The following CYP4F12 variants were observed in gnomAD, a reference collection of about 807,000 sequenced individuals.
The protein encoded by CYP4F12 is cytochrome P450 4F12.
CYP4F12 carries 60 observed loss-of-function variants against 56.5 expected under a neutral mutation model. That is an observed-to-expected ratio of 1.06 (90% CI 0.86 to 1.32). The LOEUF is 1.32. CYP4F12 is among the 40% of genes most tolerant of loss of function. The probability of loss-of-function intolerance (pLI) is 0.00; values close to 1 mark genes in which losing one functional copy is unlikely to be tolerated. For missense variants in CYP4F12, 711 were observed against 683.5 expected, an observed-to-expected ratio of 1.04 and a Z score of -0.45; for synonymous variants, 263 against 264.9, an observed-to-expected ratio of 0.99 and a Z score of 0.07.
At chr19:15,688,621 A>G (rs1395722155) in intron 9 of CYP4F12, among the ~76,000 whole-genome samples, 1 of 152,232 alleles carries the variant, frequency 6.6e-6, no homozygotes, top group African/African-American at 2.4e-5. Flanking sequence ...TAAAATTCAT[A>G]TGGAACCAAA....
chr19:15,682,146 C>A, intron 5 of CYP4F12: 1 of 390,376 alleles, frequency 2.6e-6, no homozygotes, highest in South Asian at 2.7e-5. Flanking sequence ...TGACCAAGGG[C>A]ACATAGAGCA....
At chr19:15,682,311 C>A (rs1283922063) in intron 5 of CYP4F12, 78 bp from the exon 6 acceptor site, 1 of 1,572,440 alleles carries the variant, frequency 6.4e-7, no homozygotes, top group Non-Finnish European at 8.7e-7. Context: ...GTGGGGGAGT[C>A]CATCCTGATG....
chr19:15,680,169 T>G, intron 3 of CYP4F12, 75 bp from the exon 4 acceptor site: 2 of 1,526,344 alleles, frequency 1.3e-6, no homozygotes, highest in Non-Finnish European at 1.8e-6. Context: ...AAAGTGCTGG[T>G]AGGCAGCCTT....
intron 9 of CYP4F12, among the ~76,000 whole-genome samples, chr19:15,693,196 C>T (rs558642681): frequency 3.3e-4 from 50 of 152,120 alleles, no homozygotes; most frequent in African/African-American, 1.1e-3. Flanking sequence ...AACCTGGCAA[C>T]GTGTGGGGAG....
intron 5 of CYP4F12, 153 bp downstream of exon 5, chr19:15,680,672 A>C: frequency 3.0e-6 from 3 of 989,664 alleles, no homozygotes; most frequent in Non-Finnish European, 4.7e-6. Context: ...TGGGGATGAT[A>C]ATCCCTACTT....
At chr19:15,683,984 T>C (rs630112) in intron 7 of CYP4F12, 4,837 of 446,852 alleles carry the variant, frequency 0.011, 41 homozygotes, top group African/African-American at 0.089. Context: ...ATTCAACTTA[T>C]AAGTTAGTGT....
rs2008193575 is a variant in CYP4F12, at chr19:15,697,171, G to T, written c.*86G>T. 5 of 1,513,016 alleles carry T rather than the reference G, an allele frequency of 3.3e-6. No individual in the cohort carries two copies. Among genetic ancestry groups the T allele is most frequent in the Non-Finnish European group, 3.6e-6 (4 of 1,117,744 alleles). The allele number at this position is 1,513,016 out of a possible 1,614,324, so 93.7% of individuals were successfully genotyped here. A position where few individuals can be genotyped will look rare whatever the true frequency, so the allele number is the denominator to read the frequency against. On this transcript the variant is annotated 3_prime_UTR_variant, in exon 13 of 13. Coordinates refer to ENST00000550308, the MANE Select transcript of CYP4F12 (RefSeq NM_023944.4). ...TCTGCCTGGGCCTCACTGACAGCCT[G>T]CAGGGGGCTCTTGGGGACTGGGAGG...
chr19:15,694,492 T>C (rs1194442903), intron 9 of CYP4F12, among the ~76,000 whole-genome samples: 1 of 152,090 alleles, frequency 6.6e-6, no homozygotes, highest in Non-Finnish European at 1.5e-5. Context: ...TCTCTGTTTG[T>C]CTGTTATTGG....
At chr19:15,678,516 C>T (rs2007110448) in intron 3 of CYP4F12, 111 bp downstream of exon 3, 14 of 1,366,272 alleles carry the variant, frequency 1.0e-5, no homozygotes, top group Non-Finnish European at 1.3e-5. Flanking sequence ...ACTTCCTTCT[C>T]AATGTCTTCT....
intron 9 of CYP4F12, among the ~76,000 whole-genome samples, chr19:15,686,540 G>C (rs946067141): frequency 6.6e-6 from 1 of 152,138 alleles, no homozygotes; most frequent in African/African-American, 2.4e-5. Flanking sequence ...GAAGACAGAA[G>C]GAGACAGAGA....
At chr19:15,687,764 G>A (rs1349110474) in intron 9 of CYP4F12, among the ~76,000 whole-genome samples, 1 of 152,204 alleles carries the variant, frequency 6.6e-6, no homozygotes, top group East Asian at 1.9e-4. Context: ...GATTTAGGGA[G>A]TGGTAAGAAA....
At chr19:15,683,955 G>T in intron 7 of CYP4F12, 192 bp downstream of exon 7, 1 of 561,124 alleles carries the variant, frequency 1.8e-6, no homozygotes, top group Non-Finnish European at 2.9e-6. Flanking sequence ...TTCTGAAACT[G>T]TGAGGAGCAT....
chr19:15,674,873 A>T (rs1599940673), intron 2 of CYP4F12, among the ~76,000 whole-genome samples: 2 of 152,026 alleles, frequency 1.3e-5, no homozygotes, highest in Admixed American at 1.3e-4. Context: ...TGTGGGGTGC[A>T]CAGAGCAGGG....
Position 15,683,037 on chromosome 19 carries a change from G to C in CYP4F12, c.648-456G>C, listed in dbSNP as rs1048931944. Among the ~76,000 whole-genome samples the C allele has an allele frequency of 3.9e-5, 6 of 151,990 alleles. No homozygotes were observed. In the East Asian group the frequency reaches 1.2e-3, roughly 29 times the overall value. On this transcript the variant is annotated intron_variant, in intron 6 of 12. Transcript: ENST00000550308. ...CAGGCATGAGCCACTGTGCCCAGCT[G>C]CTTCTTCTTTCTTACAGGGTGAAAG...
At chr19:15,682,152 G>C (rs528111315) in intron 5 of CYP4F12, 1 of 419,214 alleles carries the variant, frequency 2.4e-6, no homozygotes, top group Non-Finnish European at 4.4e-6. Context: ...AGGGCACATA[G>C]AGCATAGGAG....
At chr19:15,695,632 C>T (rs888641269) in intron 9 of CYP4F12, among the ~76,000 whole-genome samples, 12 of 151,964 alleles carry the variant, frequency 7.9e-5, no homozygotes, top group African/African-American at 2.9e-4. Context: ...TATTCATTTG[C>T]ATTTGAGTTT....
intron 3 of CYP4F12, 165 bp downstream of exon 3, chr19:15,678,570 ACTGGG>A: frequency 1.0e-6 from 1 of 974,390 alleles, no homozygotes; most frequent in Non-Finnish European, 1.5e-6. Context: ...TCTGGGCACC[ACTGGG>A]GCTCCAAGAG....
At chr19:15,681,190 C>T (rs2007280586) in intron 5 of CYP4F12, 1 of 157,156 alleles carries the variant, frequency 6.4e-6, no homozygotes, top group Non-Finnish European at 1.4e-5. Context: ...GTTATTACAT[C>T]ATCATTTCAC....
Position 15,673,636 on chromosome 19 carries a change from C to A in CYP4F12, c.107C>A (p.Ala36Asp), listed in dbSNP as rs765121323. The change falls in exon 2 of 13, where the codon GCT becomes GAT. Residue 36 changes from alanine to aspartate, a missense_variant. Ala to Asp is a moderately radical substitution (Grantham distance 126, BLOSUM62 -2). Transcript: ENST00000550308. ...VGSWLLARIL[A>D]WTYAFYNNCR... ...TCCTGGCTACTCGCCCGCATCCTGG[C>A]TTGGACCTATGCCTTCTATAACAAC... is the stretch of plus-strand genomic sequence containing the variant. 2.5e-6 allele frequency: 4 copies of A among 1,614,172 alleles called. No individual in the cohort carries two copies. Among genetic ancestry groups the A allele is most frequent in the Non-Finnish European group, 3.4e-6 (4 of 1,180,036 alleles).
Sources: gnomAD v4.1 joint callset for allele counts (sites outside exome capture counted in the v4.1 genomes callset) on GRCh38, gnomAD v4.1.1 for gene constraint, MANE v1.5 for transcripts, NCBI Gene and HGNC (gene_info 2026-07-23, HGNC 2026-07-21) for gene names.